Variants in NMNAT3 observed in about 807,000 individuals in gnomAD.
NMNAT3 encodes nicotinamide/nicotinic acid mononucleotide adenylyltransferase 3.
A neutral mutation model predicts 24.8 loss-of-function variants in NMNAT3; 21 were observed. That is an observed-to-expected ratio of 0.85 (90% CI 0.60 to 1.22). The LOEUF is 1.22. Among genes scored for constraint, NMNAT3 ranks in the 50% most tolerant of loss-of-function variants. NMNAT3 has a pLI of 0.00. For missense variants in NMNAT3, 387 were observed against 436.6 expected (o/e 0.89, Z 1.01); for synonymous variants, 136 against 155.2 (o/e 0.88, Z 0.92).
At chr3:139,579,518 C>T (rs918669539) in intron 4 of NMNAT3, among the ~76,000 whole-genome samples, 9 of 152,138 alleles carry the variant, frequency 5.9e-5, no homozygotes, top group African/African-American at 1.9e-4. Context: ...GGGATTTTAG[C>T]GTGAACCAGG....
At chr3:139,623,183 A>G (rs2055880851) in intron 3 of NMNAT3, among the ~76,000 whole-genome samples, 2 of 152,132 alleles carry the variant, frequency 1.3e-5, no homozygotes, top group African/African-American at 4.8e-5. Flanking sequence ...ATTTTTCTTC[A>G]TATCCTTATC....
intron 1 of NMNAT3, among the ~76,000 whole-genome samples, chr3:139,657,630 C>G (rs1256572592): frequency 6.6e-6 from 1 of 151,552 alleles, no homozygotes; most frequent in East Asian, 2.0e-4. Flanking sequence ...GGGTTTGATG[C>G]AGGATAGGCC....
At chr3:139,578,733 T>G (rs990927216) in intron 5 of NMNAT3, 139 bp downstream of exon 5, 4 of 676,092 alleles carry the variant, frequency 5.9e-6, no homozygotes, top group Non-Finnish European at 7.2e-6. Flanking sequence ...TCCTGCTAAG[T>G]AGAAACTGCT....
chr3:139,665,895 T>C (rs2108441167), intron 1 of NMNAT3, among the ~76,000 whole-genome samples: 1 of 151,980 alleles, frequency 6.6e-6, no homozygotes, highest in South Asian at 2.1e-4. Context: ...TGAAAGCATA[T>C]AAAAAATATA....
chr3:139,673,782 G>C (rs1485250728), intron 1 of NMNAT3, among the ~76,000 whole-genome samples: 1 of 152,028 alleles, frequency 6.6e-6, no homozygotes, highest in Non-Finnish European at 1.5e-5. Flanking sequence ...GAAAGAAAGG[G>C]AGGAAGGAAT....
chr3:139,611,938 C>T (rs986097286), intron 3 of NMNAT3, among the ~76,000 whole-genome samples: 3 of 152,142 alleles, frequency 2.0e-5, no homozygotes, highest in Non-Finnish European at 2.9e-5. Context: ...GGGGCTGAGG[C>T]GGGCGGATCA....
chr3:139,649,354 C>T (rs1347612413), intron 1 of NMNAT3, among the ~76,000 whole-genome samples: 1 of 150,894 alleles, frequency 6.6e-6, no homozygotes, highest in Non-Finnish European at 1.5e-5. Flanking sequence ...AACAAAAAAA[C>T]TGGCTTTTAC....
At chr3:139,572,534 G>T (rs1418302916) in intron 6 of NMNAT3, among the ~76,000 whole-genome samples, 1 of 152,092 alleles carries the variant, frequency 6.6e-6, no homozygotes, top group Non-Finnish European at 1.5e-5. Context: ...GAAGACACCT[G>T]GGAATTAGTG....
chr3:139,575,286 T>G (rs1283733612), intron 5 of NMNAT3, among the ~76,000 whole-genome samples: 1 of 152,168 alleles, frequency 6.6e-6, no homozygotes, highest in Admixed American at 6.5e-5. Context: ...CTGGACTCAG[T>G]GTTTTCATTA....
chr3:139,626,817 T>C (rs915734032), intron 3 of NMNAT3, among the ~76,000 whole-genome samples: 9 of 152,134 alleles, frequency 5.9e-5, no homozygotes, highest in African/African-American at 2.2e-4. Flanking sequence ...CTCAAATACT[T>C]TTTGCTATGT....
intron 3 of NMNAT3, among the ~76,000 whole-genome samples, chr3:139,611,799 C>T (rs2055228238): frequency 6.6e-6 from 1 of 152,172 alleles, no homozygotes; most frequent in Admixed American, 6.5e-5. Context: ...CACATCTGTG[C>T]CCATTTCTGC....
intron 1 of NMNAT3, among the ~76,000 whole-genome samples, chr3:139,645,939 G>A (rs912496753): frequency 1.3e-5 from 2 of 152,154 alleles, no homozygotes; most frequent in Non-Finnish European, 2.9e-5. Flanking sequence ...AAAGTGAGAG[G>A]AAAGAGGAAG....
At chr3:139,627,568 A>G in intron 3 of NMNAT3, 48 bp downstream of exon 4, 1 of 1,120,096 alleles carries the variant, frequency 8.9e-7, no homozygotes, top group South Asian at 1.5e-5. Flanking sequence ...AGCCCCATGA[A>G]GCCTAACCCA....
At chr3:139,605,189 G>A (rs2054889900) in intron 3 of NMNAT3, among the ~76,000 whole-genome samples, 2 of 152,182 alleles carry the variant, frequency 1.3e-5, no homozygotes, top group Non-Finnish European at 1.5e-5. Flanking sequence ...CACAAAGGGT[G>A]CTACCAGGTG....
intron 1 of NMNAT3, among the ~76,000 whole-genome samples, chr3:139,655,527 CAT>C (rs1388965310): frequency 1.3e-5 from 2 of 152,222 alleles, no homozygotes; most frequent in African/African-American, 4.8e-5. Context: ...AAGTGATAAA[CAT>C]ATGCTTATGT....
intron 1 of NMNAT3, among the ~76,000 whole-genome samples, chr3:139,664,296 T>C (rs901063563): frequency 6.6e-6 from 1 of 152,170 alleles, no homozygotes; most frequent in Non-Finnish European, 1.5e-5. Flanking sequence ...GCAGCTCCAT[T>C]GTGTGGTCCT....
At chr3:139,641,365 C>T (rs896676261) in intron 1 of NMNAT3, among the ~76,000 whole-genome samples, 2 of 152,220 alleles carry the variant, frequency 1.3e-5, no homozygotes, top group African/African-American at 4.8e-5. Flanking sequence ...TAGCTGATGG[C>T]TCTTTTTCTA....
At chr3:139,582,639 C>CAA (rs58495559) in intron 4 of NMNAT3, among the ~76,000 whole-genome samples, 1,795 of 57,308 alleles carry the variant, frequency 0.031, 249 homozygotes, top group Middle Eastern at 0.079. Flanking sequence ...GGGACTGTCT[C>CAA]AAAAAAAAAA....
intron 3 of NMNAT3, among the ~76,000 whole-genome samples, chr3:139,606,267 C>T (rs888397772): frequency 5.9e-5 from 9 of 152,180 alleles, no homozygotes; most frequent in Non-Finnish European, 1.2e-4. Context: ...CCTCAGTCTT[C>T]AGCACCTGGG....
Sources: allele counts gnomAD v4.1 joint callset (sites outside exome capture counted in the v4.1 genomes callset), GRCh38; gene constraint gnomAD v4.1.1; transcripts MANE v1.5; gene names NCBI Gene and HGNC (gene_info 2026-07-23, HGNC 2026-07-21).